The following EFCAB5 variants were observed in gnomAD, a reference collection of about 807,000 sequenced individuals.
The protein encoded by EFCAB5 is EF-hand calcium binding domain 5, also known as EF-hand calcium-binding domain-containing protein 5.
In EFCAB5, 131 loss-of-function variants were observed where a neutral mutation model predicts 167.9. That is an observed-to-expected ratio of 0.78 (90% CI 0.68 to 0.90). The LOEUF is 0.90. EFCAB5 is among the 40% of genes least tolerant of loss of function. The probability of loss-of-function intolerance (pLI) is 0.00; values close to 1 mark genes in which losing one functional copy is unlikely to be tolerated. For missense variants in EFCAB5, 1,663 were observed against 1,745.2 expected, an observed-to-expected ratio of 0.95 and a Z score of 0.84; for synonymous variants, 574 against 602.8, an observed-to-expected ratio of 0.95 and a Z score of 0.70.
upstream of EFCAB5, among the ~76,000 whole-genome samples, chr17:29,938,312 T>TAA (rs59835752): frequency 2.6e-5 from 4 of 152,184 alleles, no homozygotes; most frequent in East Asian, 3.9e-4. Context: ...ACTTTTTTGC[T>TAA]AAAAAATGCT....
intron 14 of EFCAB5, among the ~76,000 whole-genome samples, chr17:30,075,954 G>T (rs1157784777): frequency 6.6e-6 from 1 of 152,224 alleles, no homozygotes; most frequent in African/African-American, 2.4e-5. Flanking sequence ...TCTAATTGAG[G>T]ATTGTACTAG....
intron 3 of EFCAB5, among the ~76,000 whole-genome samples, chr17:29,967,630 G>A (rs2067858197): frequency 6.6e-6 from 1 of 152,020 alleles, no homozygotes; most frequent in Non-Finnish European, 1.5e-5. Context: ...ACTCCTGAAG[G>A]CCCCCTTCAT....
chr17:30,035,296 T>A (rs180774237), intron 8 of EFCAB5, among the ~76,000 whole-genome samples: 78 of 152,336 alleles, frequency 5.1e-4, no homozygotes, highest in African/African-American at 1.8e-3. Flanking sequence ...TGTTGGCCAA[T>A]TTAACACCAA....
chr17:29,962,898 C>T (rs899936436), intron 3 of EFCAB5, among the ~76,000 whole-genome samples: 1 of 152,044 alleles, frequency 6.6e-6, no homozygotes, highest in African/African-American at 2.4e-5. Context: ...AGGGAGAAAG[C>T]TTTCAGTGTT....
chr17:29,950,536 AAGTTTTT>A (rs1433401587), intron 3 of EFCAB5: 1 of 151,582 alleles, frequency 6.6e-6, no homozygotes, highest in Non-Finnish European at 1.5e-5. Context: ...ACACCCACCT[AAGTTTTT>A]AATTTTTTTT....
At chr17:30,107,796 C>T in intron 22 of EFCAB5, 38 bp from the exon 23 acceptor site, 1 of 1,421,812 alleles carries the variant, frequency 7.0e-7, no homozygotes. Context: ...AAGTGCAAAA[C>T]TCTCCACTCT....
At chr17:30,017,816 T>C (rs571477201) in intron 7 of EFCAB5, among the ~76,000 whole-genome samples, 53 of 152,290 alleles carry the variant, frequency 3.5e-4, no homozygotes, top group Admixed American at 1.6e-3. Flanking sequence ...AATTTTTATT[T>C]TATCCAGATT....
chr17:30,009,180 A>G (rs2068838448), intron 7 of EFCAB5, among the ~76,000 whole-genome samples: 2 of 152,156 alleles, frequency 1.3e-5, no homozygotes, highest in Admixed American at 1.3e-4. Flanking sequence ...CTCTTTTCCC[A>G]TATAAGGAAG....
chr17:29,973,575 T>C (rs1597604267), intron 4 of EFCAB5, among the ~76,000 whole-genome samples: 1 of 148,742 alleles, frequency 6.7e-6, no homozygotes, highest in South Asian at 2.2e-4. Flanking sequence ...TGCCTCTGGG[T>C]TCAAGAAATT....
At chr17:30,088,861 T>C (rs919703420) in intron 19 of EFCAB5, among the ~76,000 whole-genome samples, 3 of 152,244 alleles carry the variant, frequency 2.0e-5, no homozygotes, top group Admixed American at 6.5e-5. Context: ...CTTTTCCACA[T>C]AGTTATTCCT....
intron 22 of EFCAB5, among the ~76,000 whole-genome samples, chr17:30,100,549 C>A (rs1443479588): frequency 6.6e-6 from 1 of 152,120 alleles, no homozygotes; most frequent in South Asian, 2.1e-4. Context: ...GGGTGGATCA[C>A]CTGAGGTCAG....
At chr17:30,033,858 CAT>C (rs2069547003) in intron 7 of EFCAB5, among the ~76,000 whole-genome samples, 1 of 152,178 alleles carries the variant, frequency 6.6e-6, no homozygotes, top group Non-Finnish European at 1.5e-5. Flanking sequence ...TTTTATATAC[CAT>C]ATACCATAGA....
At chr17:30,105,061 A>T (rs1403807941) in intron 22 of EFCAB5, among the ~76,000 whole-genome samples, 1 of 152,190 alleles carries the variant, frequency 6.6e-6, no homozygotes, top group Non-Finnish European at 1.5e-5. Flanking sequence ...GGGGAGCAGC[A>T]GAGCTGTTTT....
At position 29,969,318 on chromosome 17, in the gene EFCAB5, G is replaced by A; in HGVS notation, c.718G>A (p.Glu240Lys). ...GTCTGGTTACCAGAGGTTGATGAAA[G>A]AAGTCACAGAAGACCTGAAGATATA... ...GMSGYQRLMK[E>K]VTEDLKIYVP... Residue 240 changes from glutamate (E) to lysine (K), a missense_variant, in exon 4 of 23, where the codon GAA (glutamate) becomes AAA (lysine). Glu to Lys is a moderately conservative substitution (Grantham distance 56, BLOSUM62 1). Coordinates refer to ENST00000394835, the MANE Select transcript of EFCAB5 (RefSeq NM_198529.4). 2 of 1,610,174 alleles carry A rather than the reference G, an allele frequency of 1.2e-6. No individual in the cohort carries two copies. The highest frequency in any genetic ancestry group is 1.7e-6 in the Non-Finnish European group (2 of 1,178,622).
chr17:30,025,913 G>C (rs865907427), intron 7 of EFCAB5, among the ~76,000 whole-genome samples: 130 of 151,678 alleles, frequency 8.6e-4, no homozygotes, highest in Non-Finnish European at 1.5e-3. Context: ...GTAAACTATC[G>C]CAAGGACAAA....
chr17:30,002,215 C>T (rs2068678036), intron 7 of EFCAB5, among the ~76,000 whole-genome samples: 1 of 151,948 alleles, frequency 6.6e-6, no homozygotes, highest in Non-Finnish European at 1.5e-5. Context: ...TATATATTTA[C>T]AAGAAGTTGC....
chr17:30,096,039 C>A (rs1452004425), intron 22 of EFCAB5, among the ~76,000 whole-genome samples: 1 of 152,148 alleles, frequency 6.6e-6, no homozygotes, highest in Non-Finnish European at 1.5e-5. Flanking sequence ...TTTGTCCTGG[C>A]AAGAGCCCCT....
chr17:30,073,183 G>A (rs1488817521), intron 14 of EFCAB5: 4 of 696,900 alleles, frequency 5.7e-6, no homozygotes, highest in African/African-American at 1.8e-5. Context: ...AGACTCCTGA[G>A]CAACTGGGAC....
chr17:29,979,393 C>A (rs953176147), intron 4 of EFCAB5, among the ~76,000 whole-genome samples: 1 of 152,060 alleles, frequency 6.6e-6, no homozygotes, highest in African/African-American at 2.4e-5. Flanking sequence ...AGCTTGGAGG[C>A]ATTCTATCTG....
Sources: allele counts gnomAD v4.1 joint callset (sites outside exome capture counted in the v4.1 genomes callset), GRCh38; gene constraint gnomAD v4.1.1; transcripts MANE v1.5; gene names NCBI Gene and HGNC (gene_info 2026-07-23, HGNC 2026-07-21).